The following TUSC3 variants were observed in gnomAD, a reference collection of about 807,000 sequenced individuals.
TUSC3 encodes the protein tumor suppressor candidate 3.
A neutral mutation model predicts 44.8 loss-of-function variants in TUSC3; 45 were observed. The observed-to-expected ratio is 1.00, with a 90% CI of 0.79 to 1.29. The LOEUF (loss-of-function observed/expected upper bound fraction) is 1.29, where lower values mean the gene tolerates loss of function less well. Ranked by LOEUF, TUSC3 falls within the 50% of genes most tolerant of loss-of-function variation. TUSC3 has a pLI of 0.00. For synonymous variants in TUSC3, 212 were observed against 152.9 expected (o/e 1.39, Z -2.85); for missense variants, 519 against 437.9 (o/e 1.19, Z -1.65).
the TUSC3 span, among the ~76,000 whole-genome samples, chr8:15,823,769 C>A: frequency 6.7e-6 from 1 of 150,368 alleles, no homozygotes; most frequent in East Asian, 2.0e-4. Context: ...AATCCTGCAA[C>A]TAAATCAAAC....
intron 5 of TUSC3, 67 bp from the exon 6 acceptor site, chr8:15,673,680 C>G (rs1808056289): frequency 1.5e-6 from 2 of 1,292,554 alleles, no homozygotes; most frequent in Non-Finnish European, 1.1e-6. Flanking sequence ...TGACCATTGT[C>G]TTTTAGAAAT....
At chr8:15,664,614 A>C (rs1429010034) in intron 5 of TUSC3, among the ~76,000 whole-genome samples, 1 of 149,628 alleles carries the variant, frequency 6.7e-6, no homozygotes, top group African/African-American at 2.4e-5. Context: ...TGCAGAGAAC[A>C]GACATGTTTT....
At chr8:15,450,912 G>A (rs940772789) in intron 1 of TUSC3, among the ~76,000 whole-genome samples, 1 of 152,182 alleles carries the variant, frequency 6.6e-6, no homozygotes, top group African/African-American at 2.4e-5. Flanking sequence ...ACATGCCGCT[G>A]CTGAGTTCTG....
the TUSC3 span, among the ~76,000 whole-genome samples, chr8:15,813,971 A>G: frequency 6.6e-6 from 1 of 152,216 alleles, no homozygotes; most frequent in South Asian, 2.1e-4. Context: ...CTGTTTCTTC[A>G]AAATGATAGC....
intron 2 of TUSC3, among the ~76,000 whole-genome samples, chr8:15,624,727 A>G (rs886858746): frequency 3.3e-5 from 5 of 151,956 alleles, no homozygotes. Flanking sequence ...GTTTTCAAAT[A>G]TTTTCTCCCA....
At chr8:15,552,440 T>C (rs1381556505) in intron 1 of TUSC3, among the ~76,000 whole-genome samples, 3 of 151,902 alleles carry the variant, frequency 2.0e-5, no homozygotes, top group East Asian at 1.9e-4. Flanking sequence ...CAGGCAGTTA[T>C]AATGTAATAT....
At chr8:15,629,383 A>G (rs1213083543) in intron 2 of TUSC3, among the ~76,000 whole-genome samples, 1 of 152,144 alleles carries the variant, frequency 6.6e-6, no homozygotes, top group Non-Finnish European at 1.5e-5. Flanking sequence ...TAGTGGGCAG[A>G]GTGGACCAAA....
At chr8:15,816,118 G>A in the TUSC3 span, among the ~76,000 whole-genome samples, 1 of 152,138 alleles carries the variant, frequency 6.6e-6, no homozygotes, top group Admixed American at 6.5e-5. Context: ...TCCCCAGTTA[G>A]CAACTGTCTT....
intron 2 of TUSC3, among the ~76,000 whole-genome samples, chr8:15,485,324 G>A (rs1037908494): frequency 6.6e-6 from 1 of 152,098 alleles, no homozygotes; most frequent in Non-Finnish European, 1.5e-5. Context: ...TTCATCACCA[G>A]GTTTTGTTTC....
intron 1 of TUSC3, among the ~76,000 whole-genome samples, chr8:15,446,188 C>G (rs1163318813): frequency 6.6e-6 from 1 of 151,278 alleles, no homozygotes; most frequent in Non-Finnish European, 1.5e-5. Flanking sequence ...GGCAGAGGCG[C>G]TCCCCACATC....
intron 1 of TUSC3, among the ~76,000 whole-genome samples, chr8:15,620,680 A>G (rs765086406): frequency 6.6e-5 from 10 of 152,186 alleles, no homozygotes; most frequent in Non-Finnish European, 1.3e-4. Context: ...TTTGTTACTT[A>G]AATAAGAACT....
the TUSC3 span, among the ~76,000 whole-genome samples, chr8:15,848,659 C>A: frequency 1.3e-5 from 2 of 152,166 alleles, no homozygotes; most frequent in African/African-American, 4.8e-5. Context: ...AAGTGGTAAC[C>A]ACTGTCCAGT....
chr8:15,832,305 G>T, the TUSC3 span, among the ~76,000 whole-genome samples: 1 of 152,114 alleles, frequency 6.6e-6, no homozygotes, highest in African/African-American at 2.4e-5. Context: ...AATATGGAAA[G>T]ACTGTTACCA....
At position 15,461,259 on chromosome 8, in the gene TUSC3, C is replaced by T. The variant is rs190342493; in HGVS notation, n.92-22127C>T. On this transcript the variant is annotated intron_variant and non_coding_transcript_variant, in intron 1 of 5. Coordinates refer to the TUSC3 transcript ENST00000503191. ...TTTCGCCTCCTTGTTTAGGTATATT[C>T]CTAAGTGTTTTGTTTGTTTGTTTGT... 2.0e-5 allele frequency among the ~76,000 whole-genome samples: 3 copies of T among 151,808 alleles called. No individual in the cohort carries two copies. The East Asian group carries it at 5.8e-4, about 29-fold the overall frequency.
intron 1 of TUSC3, among the ~76,000 whole-genome samples, chr8:15,552,901 A>G (rs1006462257): frequency 4.0e-5 from 6 of 151,680 alleles, no homozygotes; most frequent in African/African-American, 1.2e-4. Context: ...GTGAGAGGTA[A>G]TGATGACTTG....
chr8:15,466,129 C>G (rs1302175198), intron 1 of TUSC3, among the ~76,000 whole-genome samples: 2 of 152,122 alleles, frequency 1.3e-5, no homozygotes, highest in East Asian at 3.8e-4. Flanking sequence ...CTGAAACAAA[C>G]TGTAATGACC....
chr8:15,580,767 A>C lies in TUSC3; in HGVS notation c.138+40199A>C, dbSNP rs879767939. Reference sequence around the variant, plus strand: ...CCCTTAACATTTTTTCCTTCATTTCAACTTTGGTGAATCTGACAATTATGT... The same window carrying C: ...CCCTTAACATTTTTTCCTTCATTTCCACTTTGGTGAATCTGACAATTATGT... On this transcript the variant is annotated intron_variant, in intron 1 of 10. Coordinates refer to ENST00000503731, the MANE Select transcript of TUSC3 (RefSeq NM_006765.4). 4.4e-3 allele frequency among the ~76,000 whole-genome samples: 586 copies of C among 131,742 alleles called. 14 individuals carry two copies. Among genetic ancestry groups the C allele is most frequent in the African/African-American group, 0.017 (560 of 32,434 alleles). The allele number at this position is 131,742 out of a possible 152,430, so 86.4% of individuals were successfully genotyped here.
At chr8:15,706,657 G>T (rs769558154) in intron 6 of TUSC3, among the ~76,000 whole-genome samples, 11 of 151,982 alleles carry the variant, frequency 7.2e-5, no homozygotes, top group Non-Finnish European at 2.9e-5. Context: ...TTTAATACAA[G>T]ATGTTAATAT....
chr8:15,689,758 C>G (rs1375825132), intron 6 of TUSC3, among the ~76,000 whole-genome samples: 1 of 151,784 alleles, frequency 6.6e-6, no homozygotes, highest in African/African-American at 2.4e-5. Flanking sequence ...TGGCATCCAA[C>G]TCCATTCATG....
Sources: gnomAD v4.1 joint callset for allele counts (sites outside exome capture counted in the v4.1 genomes callset) on GRCh38, gnomAD v4.1.1 for gene constraint, MANE v1.5 for transcripts, NCBI Gene and HGNC (gene_info 2026-07-23, HGNC 2026-07-21) for gene names.